Variants in ZMIZ1 observed in about 807,000 individuals in gnomAD.
ZMIZ1 encodes the protein zinc finger MIZ domain-containing protein 1.
In ZMIZ1, 17 loss-of-function variants were observed where a neutral mutation model predicts 113.9. That is an observed-to-expected ratio of 0.15 (90% CI 0.10 to 0.22). ZMIZ1 has a LOEUF of 0.22. Among genes scored for constraint, ZMIZ1 ranks in the 10% least tolerant of loss-of-function variants. The pLI, the probability that ZMIZ1 is intolerant of heterozygous loss-of-function variation, is 1.00. For synonymous variants in ZMIZ1, 607 were observed against 603.1 expected, an observed-to-expected ratio of 1.01 and a Z score of -0.09; for missense variants, 1,059 against 1,477.8, an observed-to-expected ratio of 0.72 and a Z score of 4.65.
chr10:79,307,941 A>T (rs1854842369), intron 23 of ZMIZ1, among the ~76,000 whole-genome samples: 1 of 152,080 alleles, frequency 6.6e-6, no homozygotes, highest in African/African-American at 2.4e-5. Flanking sequence ...AGCCACCTCA[A>T]CTTTTGTCCC....
At position 79,285,363 on chromosome 10, in the gene ZMIZ1, G is replaced by A. The variant is rs148774046; in HGVS notation, c.426-4412G>A. ...CAGTTTCAGGGTGTCCAAGGTGTGC[G>A]GGACTCTGGGCCTCATACATGTTAG... is the stretch of plus-strand genomic sequence containing the variant. On this transcript the variant is annotated intron_variant, in intron 8 of 24. Transcript: ENST00000334512. 1.6e-3 allele frequency: 666 copies of A among 419,560 alleles called. 5 individuals are homozygous for A. Among genetic ancestry groups the A allele is most frequent in the African/African-American group, 0.011 (531 of 49,250 alleles). The allele number at this position is 419,560 out of a possible 1,614,324, so 26.0% of individuals were successfully genotyped here. A position where few individuals can be genotyped will look rare whatever the true frequency, so the allele number is the denominator to read the frequency against.
chr10:79,277,421 A>T (rs1371244609), intron 8 of ZMIZ1, 96 bp downstream of exon 8: 2 of 1,416,734 alleles, frequency 1.4e-6, no homozygotes, highest in Non-Finnish European at 9.3e-7. Flanking sequence ...GCCTCTGTGC[A>T]ACCATGAGGA....
At chr10:79,302,728 C>G (rs182932384) in intron 18 of ZMIZ1, among the ~76,000 whole-genome samples, 12 of 121,862 alleles carry the variant, frequency 9.8e-5, no homozygotes, top group Admixed American at 2.2e-4. Context: ...GAATGTCGCT[C>G]TGTTACCCAG....
intron 18 of ZMIZ1, among the ~76,000 whole-genome samples, 190 bp from the exon 19 acceptor site, chr10:79,303,825 C>T (rs924445689): frequency 7.9e-5 from 12 of 152,252 alleles, no homozygotes; most frequent in African/African-American, 2.9e-4. Context: ...CACATGGAGA[C>T]AGCAGCCCGG....
chr10:79,221,915 C>A (rs1234381710), intron 7 of ZMIZ1, among the ~76,000 whole-genome samples: 1 of 152,250 alleles, frequency 6.6e-6, no homozygotes, highest in East Asian at 1.9e-4. Flanking sequence ...AGGCTGGCCT[C>A]ACAGCTGTGG....
intron 4 of ZMIZ1, among the ~76,000 whole-genome samples, chr10:79,190,108 C>T (rs1397567663): frequency 6.6e-6 from 1 of 152,218 alleles, no homozygotes; most frequent in Non-Finnish European, 1.5e-5. Context: ...AGGGCCTCTG[C>T]AGGGAGAAGC....
At chr10:79,177,989 A>T (rs755751826) in intron 4 of ZMIZ1, among the ~76,000 whole-genome samples, 4 of 152,126 alleles carry the variant, frequency 2.6e-5, no homozygotes, top group Non-Finnish European at 5.9e-5. Context: ...ATTAGACATG[A>T]TCCTTAATGG....
chr10:79,150,745 C>T (rs1032758030), intron 3 of ZMIZ1, among the ~76,000 whole-genome samples: 3 of 152,178 alleles, frequency 2.0e-5, no homozygotes, highest in African/African-American at 7.2e-5. Context: ...AAAACCTCCC[C>T]ATCCACCCCT....
At chr10:79,284,942 C>T (rs1467114801) in intron 8 of ZMIZ1, among the ~76,000 whole-genome samples, 2 of 152,218 alleles carry the variant, frequency 1.3e-5, no homozygotes, top group East Asian at 3.8e-4. Context: ...TGCAGCTGGG[C>T]TTTGAGGCCC....
At chr10:79,309,653 G>A (rs1378501021) in intron 23 of ZMIZ1, among the ~76,000 whole-genome samples, 1 of 152,248 alleles carries the variant, frequency 6.6e-6, no homozygotes, top group Non-Finnish European at 1.5e-5. Context: ...CAAGGCCTGG[G>A]AAACAGTTTT....
chr10:79,150,512 G>A (rs1845671527), intron 3 of ZMIZ1, among the ~76,000 whole-genome samples: 1 of 152,194 alleles, frequency 6.6e-6, no homozygotes, highest in African/African-American at 2.4e-5. Flanking sequence ...CCTCACAGTG[G>A]GACTAGGCCT....
chr10:79,189,487 A>G (rs1280013725), intron 4 of ZMIZ1, among the ~76,000 whole-genome samples: 2 of 152,226 alleles, frequency 1.3e-5, no homozygotes, highest in African/African-American at 4.8e-5. Context: ...ACAGCAGCCT[A>G]TGAAGTTGTA....
chr10:79,217,297 C>A (rs567907002), intron 7 of ZMIZ1, among the ~76,000 whole-genome samples: 1 of 152,172 alleles, frequency 6.6e-6, no homozygotes, highest in African/African-American at 2.4e-5. Context: ...TGGTGGCGGG[C>A]GCCTGTAGTC....
intron 8 of ZMIZ1, among the ~76,000 whole-genome samples, chr10:79,284,569 G>C (rs1852943929): frequency 6.6e-6 from 1 of 152,236 alleles, no homozygotes; most frequent in African/African-American, 2.4e-5. Context: ...GAGGACTGGA[G>C]AGAAAGGTGT....
chr10:79,245,527 C>CG (rs1004124476), intron 7 of ZMIZ1, among the ~76,000 whole-genome samples: 16 of 152,118 alleles, frequency 1.1e-4, no homozygotes, highest in African/African-American at 3.1e-4. Context: ...GGGACGGGGT[C>CG]GGGGGGCAGA....
intron 1 of ZMIZ1, among the ~76,000 whole-genome samples, chr10:79,103,879 C>T (rs1440266861): frequency 6.6e-6 from 1 of 152,140 alleles, no homozygotes; most frequent in African/African-American, 2.4e-5. Context: ...ACGGCTCTGC[C>T]CAAAAGGCTG....
intron 21 of ZMIZ1, 50 bp from the exon 22 acceptor site, chr10:79,306,050 C>A: frequency 6.3e-7 from 1 of 1,583,906 alleles, no homozygotes; most frequent in South Asian, 1.1e-5. Flanking sequence ...GCTTTTATGC[C>A]CAAAGCCAGG....
intron 1 of ZMIZ1, among the ~76,000 whole-genome samples, chr10:79,085,365 G>A (rs1435879329): frequency 5.9e-5 from 9 of 152,202 alleles, no homozygotes; most frequent in African/African-American, 1.9e-4. Context: ...CATGCCCAGC[G>A]TGACGCCAGG....
intron 7 of ZMIZ1, among the ~76,000 whole-genome samples, chr10:79,274,232 C>T (rs1852123968): frequency 6.6e-6 from 1 of 152,254 alleles, no homozygotes; most frequent in African/African-American, 2.4e-5. Flanking sequence ...GCGCACACCA[C>T]ACCAGGTCCT....
Sources: allele counts gnomAD v4.1 joint callset (sites outside exome capture counted in the v4.1 genomes callset), GRCh38; gene constraint gnomAD v4.1.1; transcripts MANE v1.5; gene names NCBI Gene and HGNC (gene_info 2026-07-23, HGNC 2026-07-21).